RALGAPA1: variants seen among roughly 807,000 people sequenced by gnomAD.
RALGAPA1 encodes the protein ral GTPase-activating protein subunit alpha-1.
In RALGAPA1, 52 loss-of-function variants were observed where a neutral mutation model predicts 269.6. That is an observed-to-expected ratio of 0.19 (90% CI 0.15 to 0.24). The LOEUF is 0.24. Among genes scored for constraint, RALGAPA1 ranks in the 10% least tolerant of loss-of-function variants. The pLI is 1.00. For synonymous variants in RALGAPA1, 817 were observed against 1,008.3 expected (o/e 0.81, Z 3.60); for missense variants, 1,917 against 3,013.9 (o/e 0.64, Z 8.52).
chr14:35,606,842 C>T (rs56182776), intron 35 of RALGAPA1, among the ~76,000 whole-genome samples: 18,251 of 151,576 alleles, frequency 0.12, 1,150 homozygotes, highest in South Asian at 0.14. Flanking sequence ...TTTTCCCACA[C>T]GTCTGGAGTA....
chr14:35,609,714 G>C (rs776259711), intron 35 of RALGAPA1, among the ~76,000 whole-genome samples: 2 of 151,976 alleles, frequency 1.3e-5, no homozygotes, highest in Non-Finnish European at 2.9e-5. Flanking sequence ...CTTGAGCCCA[G>C]GAGTTCGAGA....
chr14:35,684,856 A>G, intron 20 of RALGAPA1, 73 bp downstream of exon 20: 1 of 1,455,558 alleles, frequency 6.9e-7, no homozygotes, highest in Non-Finnish European at 9.3e-7. Flanking sequence ...TGATGGCTAC[A>G]TAATCCGTAA....
At chr14:35,558,066 G>C (rs552210401) in intron 39 of RALGAPA1, among the ~76,000 whole-genome samples, 1 of 151,940 alleles carries the variant, frequency 6.6e-6, no homozygotes, top group South Asian at 2.1e-4. Flanking sequence ...AAAGGCCAAG[G>C]AGTGTTTATA....
chr14:35,716,916 C>T (rs1317516474), intron 16 of RALGAPA1, among the ~76,000 whole-genome samples: 1 of 151,940 alleles, frequency 6.6e-6, no homozygotes, highest in East Asian at 1.9e-4. Flanking sequence ...GTATATTTAC[C>T]CTTTGCAAAT....
chr14:35,600,486 C>T (rs2059230332), intron 36 of RALGAPA1, among the ~76,000 whole-genome samples: 1 of 152,084 alleles, frequency 6.6e-6, no homozygotes, highest in Non-Finnish European at 1.5e-5. Flanking sequence ...CAGCTTCAGC[C>T]TCACAAAATG....
At position 35,808,936 on chromosome 14, in the gene RALGAPA1, A is replaced by G; in HGVS notation, c.-101T>C. ...TGGACGGGGAGGAGACTAGCCAGAG[A>G]GGCTCATTAGCTCCCCAGCCTTGCG... On this transcript the variant is annotated 5_prime_UTR_variant, in exon 1 of 42. Transcript: ENST00000680220. 1 of 1,501,048 alleles carries G rather than the reference A, an allele frequency of 6.7e-7. No individual in the cohort carries two copies. The highest frequency in any genetic ancestry group is 1.3e-5 in the South Asian group (1 of 77,226). The allele number at this position is 1,501,048 out of a possible 1,614,324, so 93.0% of individuals were successfully genotyped here.
intron 24 of RALGAPA1, 46 bp downstream of exon 24, chr14:35,674,134 T>C: frequency 7.1e-7 from 1 of 1,408,366 alleles, no homozygotes; most frequent in Non-Finnish European, 9.8e-7. Context: ...GTTTAAGATT[T>C]AGTAAATGAG....
At chr14:35,641,767 C>T (rs888746468) in intron 31 of RALGAPA1, among the ~76,000 whole-genome samples, 2 of 152,006 alleles carry the variant, frequency 1.3e-5, no homozygotes, top group Non-Finnish European at 2.9e-5. Context: ...TTATATGCAA[C>T]AATAAAAGAC....
At chr14:35,542,189 C>A in intron 41 of RALGAPA1, 1 of 327,518 alleles carries the variant, frequency 3.1e-6, no homozygotes, top group Admixed American at 4.6e-5. Context: ...AATGTGGTAG[C>A]CACAGCCACA....
intron 16 of RALGAPA1, among the ~76,000 whole-genome samples, chr14:35,706,213 A>G (rs1338674379): frequency 2.6e-5 from 4 of 152,214 alleles, no homozygotes; most frequent in African/African-American, 9.6e-5. Flanking sequence ...CTCATTGCCA[A>G]ACCCAAGGTG....
intron 3 of RALGAPA1, 86 bp from the exon 4 acceptor site, chr14:35,771,085 C>T (rs2074575859): frequency 1.8e-6 from 1 of 565,808 alleles, no homozygotes; most frequent in Admixed American, 3.5e-5. Flanking sequence ...AATTAAAGGG[C>T]TCACTAAGTA....
intron 13 of RALGAPA1, among the ~76,000 whole-genome samples, chr14:35,727,044 T>C (rs2069997841): frequency 6.6e-6 from 1 of 152,130 alleles, no homozygotes; most frequent in African/African-American, 2.4e-5. Context: ...TACATCTATA[T>C]GCCATTCTAT....
At chr14:35,606,972 G>A (rs563006809) in intron 35 of RALGAPA1, among the ~76,000 whole-genome samples, 6 of 152,288 alleles carry the variant, frequency 3.9e-5, no homozygotes, top group East Asian at 1.9e-4. Flanking sequence ...TGCGTCAGAT[G>A]TATCAGTAGG....
chr14:35,667,013 A>G (rs1458130313), intron 26 of RALGAPA1, among the ~76,000 whole-genome samples: 2 of 152,330 alleles, frequency 1.3e-5, no homozygotes, highest in Middle Eastern at 3.4e-3. Context: ...CTTGTTTACC[A>G]TCTCTAGTTT....
In RALGAPA1 at chr14:35,635,499, T is replaced by C. The variant is rs1338149963; in HGVS notation, c.5776A>G (p.Lys1926Glu). ...PFHATGAESD[K>E]TEKSVLNCIY... Reference sequence around the variant, plus strand: ...CAATTGAGAACAGATTTTTCTGTTTTATCGCTTTCTGCTCCCGTAGCATGA... The same window carrying C: ...CAATTGAGAACAGATTTTTCTGTTTCATCGCTTTCTGCTCCCGTAGCATGA... The change falls in exon 32 of 42, where the codon AAA becomes GAA. Residue 1926 changes from lysine to glutamate, a missense_variant. By Grantham distance (56) the Lys-to-Glu change is moderately conservative. Around this residue, in one of 11 missense-constraint regions of RALGAPA1, gnomAD observed 346 missense variants for 566.1 expected, o/e 0.61. Coordinates refer to ENST00000680220, the MANE Select transcript of RALGAPA1 (RefSeq NM_001346249.2). The C allele has an allele frequency of 6.2e-7, 1 of 1,606,390 alleles. No homozygotes were observed. The highest frequency in any genetic ancestry group is 1.3e-5 in the African/African-American group (1 of 74,656).
intron 1 of RALGAPA1, among the ~76,000 whole-genome samples, chr14:35,785,602 T>C (rs1165519846): frequency 6.6e-6 from 1 of 152,164 alleles, no homozygotes; most frequent in Admixed American, 6.5e-5. Context: ...AAGGACCAGT[T>C]TTTTTGTTTT....
chr14:35,713,804 G>A (rs1395021027), intron 16 of RALGAPA1, among the ~76,000 whole-genome samples: 2 of 152,036 alleles, frequency 1.3e-5, no homozygotes, highest in Non-Finnish European at 2.9e-5. Flanking sequence ...ATATAAAATT[G>A]ATGTGAGCGG....
chr14:35,664,157 G>A (rs1016397830), intron 27 of RALGAPA1, among the ~76,000 whole-genome samples: 1 of 151,978 alleles, frequency 6.6e-6, no homozygotes, highest in African/African-American at 2.4e-5. Flanking sequence ...CATTTATTTT[G>A]CACCATCTAC....
chr14:35,808,686 G>A (rs1390465956), intron 1 of RALGAPA1, 44 bp downstream of exon 1: 1 of 1,575,706 alleles, frequency 6.3e-7, no homozygotes, highest in Non-Finnish European at 8.6e-7. Flanking sequence ...GAGAGGGAAG[G>A]CCGGGCAACC....
Sources: allele counts gnomAD v4.1 joint callset (sites outside exome capture counted in the v4.1 genomes callset), GRCh38; gene constraint gnomAD v4.1.1; regional missense constraint gnomAD v4.1.1; transcripts MANE v1.5; gene names NCBI Gene and HGNC (gene_info 2026-07-23, HGNC 2026-07-21).